The following RBPJ variants were observed in gnomAD, a reference collection of about 807,000 sequenced individuals.
RBPJ encodes recombining binding protein suppressor of hairless.
RBPJ carries 9 observed loss-of-function variants against 67.8 expected under a neutral mutation model. The observed-to-expected ratio is 0.13, with a 90% CI of 0.08 to 0.23. The LOEUF (loss-of-function observed/expected upper bound fraction) is 0.23, where lower values mean the gene tolerates loss of function less well. Among genes scored for constraint, RBPJ ranks in the 10% least tolerant of loss-of-function variants. RBPJ has a pLI of 1.00. For synonymous variants in RBPJ, 198 were observed against 203.3 expected, an observed-to-expected ratio of 0.97 and a Z score of 0.22; for missense variants, 305 against 595.6, an observed-to-expected ratio of 0.51 and a Z score of 5.08.
At chr4:26,321,356 GC>G (rs1723035806) in intron 1 of RBPJ, 2 of 151,494 alleles carry the variant, frequency 1.3e-5, no homozygotes, top group South Asian at 3.6e-4. Context: ...CCTCCAGCGG[GC>G]TCTGCCTGGG....
At chr4:26,195,298 A>G (rs1717714887) in intron 1 of RBPJ, among the ~76,000 whole-genome samples, 1 of 152,200 alleles carries the variant, frequency 6.6e-6, no homozygotes, top group Non-Finnish European at 1.5e-5. Context: ...TGAGCTCAGA[A>G]GTTCAAAGCT....
chr4:26,121,173 A>T, the RBPJ span, among the ~76,000 whole-genome samples: 1 of 152,192 alleles, frequency 6.6e-6, no homozygotes, highest in Non-Finnish European at 1.5e-5. Context: ...CACCTGATGC[A>T]TCAAGCTCCC....
intron 1 of RBPJ, among the ~76,000 whole-genome samples, chr4:26,274,635 CAAAAA>C (rs964827121): frequency 1.4e-5 from 2 of 147,068 alleles, no homozygotes; most frequent in Admixed American, 1.4e-4. Context: ...CCCTGTCTCT[CAAAAA>C]AAAAGAAGAA....
intron 1 of RBPJ, among the ~76,000 whole-genome samples, chr4:26,338,873 G>A (rs1725194669): frequency 6.7e-6 from 1 of 148,772 alleles, no homozygotes; most frequent in African/African-American, 2.5e-5. Context: ...GCAAAGTTGG[G>A]TGTGTGTGTG....
At chr4:26,115,596 G>C in the RBPJ span, among the ~76,000 whole-genome samples, 1 of 152,172 alleles carries the variant, frequency 6.6e-6, no homozygotes, top group Non-Finnish European at 1.5e-5. Flanking sequence ...ATGTTAGCCA[G>C]GATGGTCTCG....
At chr4:26,226,570 G>T (rs143867174) in intron 1 of RBPJ, among the ~76,000 whole-genome samples, 3 of 152,312 alleles carry the variant, frequency 2.0e-5, no homozygotes, top group Non-Finnish European at 4.4e-5. Flanking sequence ...CTAAAATGGG[G>T]AAATTAAGGC....
the RBPJ span, among the ~76,000 whole-genome samples, chr4:26,146,068 C>A: frequency 6.6e-6 from 1 of 152,148 alleles, no homozygotes; most frequent in Non-Finnish European, 1.5e-5. Context: ...TCCTCAGTAA[C>A]TAGAACTGTA....
chr4:26,344,259 G>C (rs1487016154), intron 1 of RBPJ, among the ~76,000 whole-genome samples: 2 of 152,002 alleles, frequency 1.3e-5, no homozygotes, highest in Non-Finnish European at 2.9e-5. Flanking sequence ...TTTTGAGACA[G>C]AGTCTGGCTC....
At chr4:26,400,165 T>A (rs1732624581) in intron 2 of RBPJ, among the ~76,000 whole-genome samples, 1 of 151,728 alleles carries the variant, frequency 6.6e-6, no homozygotes, top group African/African-American at 2.4e-5. Context: ...ATTTTTTAAT[T>A]AAAAAAAAAC....
the RBPJ span, among the ~76,000 whole-genome samples, chr4:26,131,788 C>T: frequency 1.8e-4 from 27 of 152,336 alleles, no homozygotes; most frequent in East Asian, 5.0e-3. Flanking sequence ...GCTTCCCAAG[C>T]TGGGAGAGAA....
At chr4:26,270,413 GAAAGAAAGAAAGAAAGAAA>G (rs1720863676) in intron 1 of RBPJ, among the ~76,000 whole-genome samples, 3 of 55,822 alleles carry the variant, frequency 5.4e-5, no homozygotes, top group Admixed American at 2.5e-4. Flanking sequence ...AAGAAAGAAA[GAAAGAAAGAAAGAAAGAAA>G]GAAAGAAGAA....
chr4:26,319,403 G>A (rs1270749583), upstream of RBPJ, among the ~76,000 whole-genome samples: 16 of 150,146 alleles, frequency 1.1e-4, no homozygotes, highest in Admixed American at 4.0e-4. Flanking sequence ...CTCCCCCGCC[G>A]CCCTCCGCCC....
chr4:26,392,877 GA>G (rs1292465401), intron 2 of RBPJ, among the ~76,000 whole-genome samples: 2 of 152,182 alleles, frequency 1.3e-5, no homozygotes, highest in Non-Finnish European at 1.5e-5. Flanking sequence ...AAAATATTCT[GA>G]AAGGGATTAG....
intron 3 of RBPJ, among the ~76,000 whole-genome samples, chr4:26,412,377 G>A (rs530603029): frequency 1.1e-4 from 16 of 152,070 alleles, no homozygotes; most frequent in African/African-American, 2.7e-4. Context: ...GACTACAGGC[G>A]TGCGCCACCA....
At chr4:26,409,432 G>T (rs3109849) in intron 3 of RBPJ, among the ~76,000 whole-genome samples, 86,560 of 152,020 alleles carry the variant, frequency 0.57, 24,742 homozygotes, top group Admixed American at 0.66. Flanking sequence ...AACATATATA[G>T]AGAGCTGTAG....
intron 1 of RBPJ, among the ~76,000 whole-genome samples, chr4:26,333,489 C>T (rs1395239742): frequency 6.6e-6 from 1 of 152,066 alleles, no homozygotes; most frequent in Non-Finnish European, 1.5e-5. Flanking sequence ...CAAAGTTTCT[C>T]TGAAGTAGCG....
At chr4:26,365,934 T>A (rs1458667516) in intron 1 of RBPJ, among the ~76,000 whole-genome samples, 2 of 152,262 alleles carry the variant, frequency 1.3e-5, no homozygotes, top group East Asian at 3.8e-4. Flanking sequence ...CCTTGGCATG[T>A]ATTGTGATGG....
intron 1 of RBPJ, among the ~76,000 whole-genome samples, chr4:26,244,789 C>T (rs1719871702): frequency 6.6e-6 from 1 of 151,892 alleles, no homozygotes; most frequent in Non-Finnish European, 1.5e-5. Context: ...TTCAGGCCCA[C>T]ACACCCGGCT....
At chr4:26,258,678 T>C (rs1387791694) in intron 1 of RBPJ, among the ~76,000 whole-genome samples, 1 of 152,242 alleles carries the variant, frequency 6.6e-6, no homozygotes, top group Non-Finnish European at 1.5e-5. Context: ...AGTGTAATAC[T>C]AGTCGTTTAG....
Sources: allele counts gnomAD v4.1 joint callset (sites outside exome capture counted in the v4.1 genomes callset), GRCh38; gene constraint gnomAD v4.1.1; transcripts MANE v1.5; gene names NCBI Gene and HGNC (gene_info 2026-07-23, HGNC 2026-07-21).